IRS1: variants seen among roughly 807,000 people sequenced by gnomAD.
The protein encoded by IRS1 is insulin receptor substrate 1.
IRS1 carries 34 observed loss-of-function variants against 65.6 expected under a neutral mutation model. That is an observed-to-expected ratio of 0.52 (90% CI 0.39 to 0.69). The LOEUF (loss-of-function observed/expected upper bound fraction) is 0.69. Among genes scored for constraint, IRS1 ranks in the 30% least tolerant of loss-of-function variants. The pLI, the probability that IRS1 is intolerant of heterozygous loss-of-function variation, is 0.00. For synonymous variants in IRS1, 699 were observed against 683.5 expected (o/e 1.02, Z -0.35); for missense variants, 1,641 against 1,720.2 (o/e 0.95, Z 0.81).
rs372697297 is a variant in IRS1, at chr2:226,795,269, C to T, written c.3470G>A (p.Gly1157Glu). 10 of 1,613,852 alleles carry T rather than the reference C, an allele frequency of 6.2e-6. No individual in the cohort carries two copies. Among genetic ancestry groups the T allele is most frequent in the Middle Eastern group, 1.6e-4 (1 of 6,084 alleles). Residue 1157 changes from glycine to glutamate, a missense_variant, in exon 1 of 2, where the codon GGG becomes GAG. Transcript: ENST00000305123. ...ENVWLRPGEL[G>E]GAPKEPAKLC... The stretch of plus-strand genomic sequence containing the variant: ...TTTGGCTGGCTCCTTGGGGGCTCCC[C>T]CAAGCTCCCCAGGCCTCAGCCACAC...
intron 1 of IRS1, among the ~76,000 whole-genome samples, chr2:226,740,206 C>A (rs1294323673): frequency 3.3e-5 from 5 of 152,210 alleles, no homozygotes; most frequent in African/African-American, 4.8e-5. Flanking sequence ...AAATACAATG[C>A]ACCTGTCACG....
At chr2:226,741,950 A>C (rs1938448700) in intron 1 of IRS1, among the ~76,000 whole-genome samples, 1 of 152,126 alleles carries the variant, frequency 6.6e-6, no homozygotes, top group Non-Finnish European at 1.5e-5. Context: ...GATGAATAAA[A>C]ATGACCACTG....
At chr2:226,742,541 G>T (rs984309403) in intron 1 of IRS1, among the ~76,000 whole-genome samples, 2 of 152,088 alleles carry the variant, frequency 1.3e-5, no homozygotes, top group Non-Finnish European at 2.9e-5. Flanking sequence ...AAATAACAAG[G>T]TTGCTGGCCA....
At chr2:226,781,033 T>G (rs1939371207) in intron 1 of IRS1, among the ~76,000 whole-genome samples, 1 of 152,158 alleles carries the variant, frequency 6.6e-6, no homozygotes, top group African/African-American at 2.4e-5. Flanking sequence ...CAATTTTTAG[T>G]AGGAAGGAGT....
chr2:226,791,759 C>A (rs1477607008), intron 1 of IRS1, among the ~76,000 whole-genome samples: 1 of 151,884 alleles, frequency 6.6e-6, no homozygotes, highest in East Asian at 1.9e-4. Context: ...GCCCCGCCCG[C>A]CCGGGACCCA....
chr2:226,753,542 T>G (rs1938725279), intron 1 of IRS1, among the ~76,000 whole-genome samples: 1 of 152,240 alleles, frequency 6.6e-6, no homozygotes, highest in Admixed American at 6.5e-5. Context: ...AGGTTTCTTA[T>G]CTCTAACTTT....
chr2:226,780,014 A>G (rs1377169607), intron 1 of IRS1, among the ~76,000 whole-genome samples: 1 of 152,218 alleles, frequency 6.6e-6, no homozygotes, highest in Non-Finnish European at 1.5e-5. Context: ...AATTAGCAAC[A>G]AAGAGGAAGA....
At chr2:226,774,206 T>C (rs993568864) in intron 1 of IRS1, among the ~76,000 whole-genome samples, 1 of 152,220 alleles carries the variant, frequency 6.6e-6, no homozygotes, top group Non-Finnish European at 1.5e-5. Context: ...TAAATGTCTA[T>C]ACTGAATCAA....
rs539900231 is a variant in IRS1 at position 226,794,400 on chromosome 2, A to G, written c.*21+589T>C. 2.0e-5 allele frequency among the ~76,000 whole-genome samples: 3 copies of G among 152,338 alleles called. No individual in the cohort carries two copies. The highest frequency in any genetic ancestry group is 7.2e-5 in the African/African-American group (3 of 41,576). Reference sequence around the variant, plus strand: ...TAGATAGGTACTTCTCTCTAAATACATATTTCTAAAAAGCTCTTACTCCTG... The same window carrying G: ...TAGATAGGTACTTCTCTCTAAATACGTATTTCTAAAAAGCTCTTACTCCTG... On this transcript the variant is annotated intron_variant, in intron 1 of 1. Coordinates refer to ENST00000305123, the MANE Select transcript of IRS1 (RefSeq NM_005544.3). This position sits in a 1 kb window ranked among gnomAD's most constrained non-coding sequence, Gnocchi z 4.1.
In IRS1 at chr2:226,784,843, A is replaced by G. The variant is rs17347714; in HGVS notation, c.*21+10146T>C. 9.8e-3 allele frequency among the ~76,000 whole-genome samples: 1,492 copies of G among 152,376 alleles called. 12 individuals are homozygous for G. Among genetic ancestry groups the G allele is most frequent in the Middle Eastern group, 0.031 (9 of 294 alleles). On this transcript the variant is annotated intron_variant, in intron 1 of 1. Coordinates refer to ENST00000305123, the MANE Select transcript of IRS1 (RefSeq NM_005544.3). ...TAGCAAGAATAGCAGGGTACCAGTCATAAATGTTTTTGACCACTAGAGAAG... is the reference window on the plus strand; with the variant it reads ...TAGCAAGAATAGCAGGGTACCAGTCGTAAATGTTTTTGACCACTAGAGAAG...
rs1465572635 is a variant in IRS1 at position 226,799,120 on chromosome 2, C to G, written c.-382G>C. ...CACAGGGAGGCGACAGTCGGGGGTC[C>G]CTGCGGTGCCCCTCCAGGAGCGCGC... On this transcript the variant is annotated 5_prime_UTR_variant, in exon 1 of 2. Coordinates refer to ENST00000305123, the MANE Select transcript of IRS1 (RefSeq NM_005544.3). The surrounding 1 kb of genome is among the most constrained non-coding windows in gnomAD (Gnocchi z 6.1). The G allele has an allele frequency of 1.7e-6, 2 of 1,169,362 alleles. No homozygotes were observed. The highest frequency in any genetic ancestry group is 8.7e-5 in the Admixed American group (2 of 23,050). The allele number at this position is 1,169,362 out of a possible 1,614,324, so 72.4% of individuals were successfully genotyped here.
rs1371510834 is a variant in IRS1 at position 226,795,983 on chromosome 2, G to A, written c.2756C>T (p.Pro919Leu). ...LSGPVAFHSS[P>L]SVRCPSQLQP... ...GAGCTGGGATGGACACCTGACAGAA[G>A]GTGAGCTGTGGAAAGCCACCGGGCC... Residue 919 changes from proline to leucine, a missense_variant, in exon 1 of 2, where the codon CCT (proline) becomes CTT (leucine). Transcript: ENST00000305123. 6.2e-7 allele frequency: 1 copy of A among 1,614,014 alleles called. No individual in the cohort carries two copies. Among genetic ancestry groups the A allele is most frequent in the Admixed American group, 1.7e-5 (1 of 60,012 alleles).
chr2:226,753,882 T>C (rs1167917675), intron 1 of IRS1, among the ~76,000 whole-genome samples: 1 of 152,190 alleles, frequency 6.6e-6, no homozygotes, highest in East Asian at 1.9e-4. Context: ...AGACAGGGTC[T>C]TGCTCTGTCA....
intron 1 of IRS1, among the ~76,000 whole-genome samples, chr2:226,757,571 GAAAT>G (rs1938830629): frequency 6.6e-6 from 1 of 152,126 alleles, no homozygotes; most frequent in African/African-American, 2.4e-5. Context: ...GCCAAGGAAA[GAAAT>G]AGAGTCTTGT....
rs1939570989 is a variant in IRS1, at chr2:226,790,603, C to T, written c.*21+4386G>A. Among the ~76,000 whole-genome samples the T allele has an allele frequency of 2.0e-5, 3 of 152,184 alleles. 1 individual carries two copies. In the South Asian group the frequency reaches 6.2e-4, roughly 32 times the overall value. ...TCATAACATTTGCACCTGCTTGGTA[C>T]GTTTCCACCTGTGATGTTTCACTTG... On this transcript the variant is annotated intron_variant, in intron 1 of 1. Transcript: ENST00000305123.
At position 226,798,856 on chromosome 2, in the gene IRS1, C is replaced by A; in HGVS notation, c.-118G>T. ...CAAACAGGGCTGGAGGCAGCAGAAA[C>A]CCCGACTCTGAAATCCACGCCGCCC... On this transcript the variant is annotated 5_prime_UTR_variant, in exon 1 of 2. Coordinates refer to ENST00000305123, the MANE Select transcript of IRS1 (RefSeq NM_005544.3). This position sits in a 1 kb window ranked among gnomAD's most constrained non-coding sequence, Gnocchi z 9.4. The A allele has an allele frequency of 1.3e-6, 2 of 1,532,784 alleles. No homozygotes were observed. The highest frequency in any genetic ancestry group is 1.8e-6 in the Non-Finnish European group (2 of 1,137,834). The allele number at this position is 1,532,784 out of a possible 1,614,324, so 94.9% of individuals were successfully genotyped here. A position where few individuals can be genotyped will look rare whatever the true frequency, so the allele number is the denominator to read the frequency against.
In IRS1 at chr2:226,799,252, C is replaced by T. The variant is rs539404012; in HGVS notation, c.-514G>A. 96 of 1,132,384 alleles carry T rather than the reference C, an allele frequency of 8.5e-5. No homozygotes were observed. In the African/African-American group the frequency reaches 1.6e-3, roughly 19 times the overall value. 70.1% of individuals were successfully genotyped at this position (1,132,384 alleles called of 1,614,324 possible). ...GGCGGGTTGCCAAGTCCCAACGTTG[C>T]ACGGGGTTCTCCCTCCTCCTTCGCC... is the stretch of plus-strand genomic sequence containing the variant. On this transcript the variant is annotated 5_prime_UTR_variant, in exon 1 of 2. Transcript: ENST00000305123. This position sits in a 1 kb window ranked among gnomAD's most constrained non-coding sequence, Gnocchi z 6.1.
At position 226,798,656 on chromosome 2, in the gene IRS1, C is replaced by G. The variant is rs539464951; in HGVS notation, c.83G>C (p.Arg28Pro). 1 of 1,613,224 alleles carries G rather than the reference C, an allele frequency of 6.2e-7. No individual in the cohort carries two copies. The highest frequency in any genetic ancestry group is 1.3e-5 in the African/African-American group (1 of 75,032). Residue 28 changes from arginine to proline, a missense_variant, in exon 1 of 2, where the codon CGC (arginine) becomes CCC (proline). This residue lies in a region of IRS1 where 240 missense variants were observed against 229.6 expected (regional missense o/e 1.05). Transcript: ENST00000305123. The surrounding 1 kb of genome is among the most constrained non-coding windows in gnomAD (Gnocchi z 9.4). ...GCTGGCCGCGCGCAGTACGAAGAAGCGTTTGTGCATGCTCTTGGGTTTGCG... is the reference window on the plus strand; with the variant it reads ...GCTGGCCGCGCGCAGTACGAAGAAGGGTTTGTGCATGCTCTTGGGTTTGCG... ...YLRKPKSMHKRFFVLRAASEA... is the reference protein window; with the variant it reads ...YLRKPKSMHKPFFVLRAASEA...
intron 1 of IRS1, among the ~76,000 whole-genome samples, chr2:226,767,450 T>TTAA (rs1414996380): frequency 4.6e-5 from 7 of 152,214 alleles, no homozygotes; most frequent in African/African-American, 1.4e-4. Context: ...TGGTGGAGGC[T>TTAA]TAAAATGAGC....
Sources: allele counts gnomAD v4.1 joint callset (sites outside exome capture counted in the v4.1 genomes callset), GRCh38; gene constraint gnomAD v4.1.1; regional missense constraint gnomAD v4.1.1; non-coding constraint Gnocchi (gnomAD v3.1); transcripts MANE v1.5; gene names NCBI Gene and HGNC (gene_info 2026-07-23, HGNC 2026-07-21).